Variants in LEMD3 observed in about 807,000 individuals in gnomAD.
LEMD3 encodes the protein LEM domain containing 3, also known as inner nuclear membrane protein Man1.
Under a neutral mutation model 95.2 loss-of-function variants are expected in LEMD3, and 33 were observed. The ratio of observed to expected loss-of-function variants is 0.35; its 90% CI spans 0.26 to 0.46. The LOEUF is 0.46. Ranked by LOEUF, LEMD3 falls within the 20% of genes least tolerant of loss-of-function variation. The probability of loss-of-function intolerance (pLI) is 1.00; values close to 1 mark genes in which losing one functional copy is unlikely to be tolerated. For synonymous variants in LEMD3, 525 were observed against 474.6 expected (o/e 1.11, Z -1.38); for missense variants, 1,210 against 1,192.8 (o/e 1.01, Z -0.21).
At chr12:65,173,823 AATGT>A (rs1278938188) in intron 1 of LEMD3, among the ~76,000 whole-genome samples, 4 of 152,198 alleles carry the variant, frequency 2.6e-5, no homozygotes, top group Non-Finnish European at 5.9e-5. Context: ...TGAATCCTTA[AATGT>A]ATGATACACT....
Position 65,220,169 on chromosome 12 carries a change from T to A in LEMD3, c.1695+1550T>A, listed in dbSNP as rs575022054. ...TACCATTTTACATTCTTTCCAATAG[T>A]ATAGTAGGATTCCAGTTTCTGCCTA... On this transcript the variant is annotated intron_variant, in intron 4 of 12. Coordinates refer to ENST00000308330, the MANE Select transcript of LEMD3 (RefSeq NM_014319.5). Among the ~76,000 whole-genome samples the A allele has an allele frequency of 1.8e-4, 27 of 152,320 alleles. 1 individual carries two copies. Among genetic ancestry groups the A allele is most frequent in the African/African-American group, 6.5e-4 (27 of 41,572 alleles).
intron 1 of LEMD3, among the ~76,000 whole-genome samples, chr12:65,192,927 A>G (rs1459221566): frequency 6.6e-6 from 1 of 152,218 alleles, no homozygotes; most frequent in African/African-American, 2.4e-5. Flanking sequence ...GCCATTATCA[A>G]GTTATTTCCT....
chr12:65,217,977 C>G (rs1870159763), intron 3 of LEMD3, among the ~76,000 whole-genome samples: 1 of 152,148 alleles, frequency 6.6e-6, no homozygotes, highest in African/African-American at 2.4e-5. Flanking sequence ...ACTACCACAC[C>G]TGGTTATGTT....
intron 2 of LEMD3, among the ~76,000 whole-genome samples, chr12:65,213,501 A>G (rs1192010438): frequency 2.6e-5 from 4 of 152,200 alleles, no homozygotes; most frequent in Non-Finnish European, 5.9e-5. Context: ...TTGGGATTTC[A>G]GGTGTGAGCC....
Position 65,240,124 on chromosome 12 carries a change from ATTTAT to A in LEMD3, c.2024-8_2024-4del. On this transcript the variant is annotated splice_region_variant and splice_polypyrimidine_tract_variant and intron_variant, in intron 7 of 12. Transcript: ENST00000308330. ...AGTGATTGATTCATTTGTAAATTTT[ATTTAT>A]TTTTAGATGTTTTACGAAGTCATAA... The A allele has an allele frequency of 6.2e-7, 1 of 1,602,818 alleles. No individual in the cohort carries two copies.
intron 4 of LEMD3, among the ~76,000 whole-genome samples, chr12:65,235,682 C>T (rs189587352): frequency 6.6e-6 from 1 of 152,074 alleles, no homozygotes; most frequent in Non-Finnish European, 1.5e-5. Context: ...ATATCAGGGA[C>T]TTGAACATCT....
intron 1 of LEMD3, among the ~76,000 whole-genome samples, chr12:65,194,160 T>C (rs997051513): frequency 6.6e-6 from 1 of 152,162 alleles, no homozygotes; most frequent in Non-Finnish European, 1.5e-5. Flanking sequence ...CATGACCCCC[T>C]GTGGAAACCA....
intron 1 of LEMD3, among the ~76,000 whole-genome samples, chr12:65,198,712 T>C (rs776912878): frequency 8.5e-5 from 13 of 152,188 alleles, no homozygotes; most frequent in Admixed American, 6.5e-5. Flanking sequence ...CTGTATAATT[T>C]AAATCATCTT....
chr12:65,211,558 A>G (rs1209050619), intron 2 of LEMD3, among the ~76,000 whole-genome samples: 2 of 152,180 alleles, frequency 1.3e-5, no homozygotes, highest in Non-Finnish European at 2.9e-5. Flanking sequence ...TAAGCTTGTA[A>G]TTAGTTATTA....
intron 4 of LEMD3, among the ~76,000 whole-genome samples, chr12:65,219,682 C>T (rs1013194760): frequency 1.3e-5 from 2 of 152,130 alleles, no homozygotes; most frequent in African/African-American, 4.8e-5. Flanking sequence ...ATGACTGAAA[C>T]TCTATAGCCA....
chr12:65,197,218 T>C (rs189749158), intron 1 of LEMD3, among the ~76,000 whole-genome samples: 3 of 152,274 alleles, frequency 2.0e-5, no homozygotes, highest in Non-Finnish European at 4.4e-5. Flanking sequence ...TTTGTTTTAA[T>C]AGTAGTCATA....
intron 4 of LEMD3, among the ~76,000 whole-genome samples, chr12:65,220,647 T>C (rs1328398533): frequency 1.3e-5 from 2 of 152,338 alleles, no homozygotes; most frequent in South Asian, 2.1e-4. Context: ...ATTGCCCATA[T>C]CAACGTCAAG....
At chr12:65,177,185 A>G (rs372750446) in intron 1 of LEMD3, among the ~76,000 whole-genome samples, 34 of 152,348 alleles carry the variant, frequency 2.2e-4, no homozygotes, top group African/African-American at 7.7e-4. Context: ...CATGGAGGTT[A>G]TAAAGCAGAG....
At chr12:65,216,090 T>G (rs940413969) in intron 3 of LEMD3, 47 bp downstream of exon 3, 10 of 1,127,838 alleles carry the variant, frequency 8.9e-6, no homozygotes, top group Non-Finnish European at 1.3e-5. Flanking sequence ...TTGAAAAATG[T>G]ATGTAGCATG....
chr12:65,222,760 T>C (rs149575504), intron 4 of LEMD3, among the ~76,000 whole-genome samples: 31 of 152,170 alleles, frequency 2.0e-4, no homozygotes, highest in African/African-American at 6.3e-4. Flanking sequence ...GATTTTTTTT[T>C]CTTAACATAG....
chr12:65,240,755 T>A (rs1020925221), intron 8 of LEMD3, 154 bp from the exon 9 acceptor site: 1 of 668,634 alleles, frequency 1.5e-6, no homozygotes, highest in African/African-American at 1.8e-5. Context: ...ACTCAGAAAA[T>A]CTGAGATGAG....
intron 4 of LEMD3, among the ~76,000 whole-genome samples, chr12:65,221,514 C>G (rs963424176): frequency 2.0e-5 from 3 of 151,888 alleles, no homozygotes; most frequent in African/African-American, 7.3e-5. Context: ...AGCCACCACA[C>G]CCAGCCAAAT....
chr12:65,187,674 T>G (rs1869109191), intron 1 of LEMD3, among the ~76,000 whole-genome samples: 1 of 152,128 alleles, frequency 6.6e-6, no homozygotes, highest in Admixed American at 6.6e-5. Flanking sequence ...AAGGAAGAGA[T>G]AAATGGACTC....
chr12:65,196,177 A>G (rs1381212005), intron 1 of LEMD3, among the ~76,000 whole-genome samples: 3 of 151,598 alleles, frequency 2.0e-5, no homozygotes, highest in African/African-American at 7.3e-5. Context: ...TAGATAAAGA[A>G]TAGGCAGAGG....
Sources: gnomAD v4.1 joint callset for allele counts (sites outside exome capture counted in the v4.1 genomes callset) on GRCh38, gnomAD v4.1.1 for gene constraint, MANE v1.5 for transcripts, NCBI Gene and HGNC (gene_info 2026-07-23, HGNC 2026-07-21) for gene names.